CALD1: variants seen among roughly 807,000 people sequenced by gnomAD.
CALD1 encodes the protein caldesmon 1.
Under a neutral mutation model 99.9 loss-of-function variants are expected in CALD1, and 33 were observed. The ratio of observed to expected loss-of-function variants is 0.33; its 90% confidence interval spans 0.25 to 0.44. The LOEUF (loss-of-function observed/expected upper bound fraction) is 0.44, where lower values mean the gene tolerates loss of function less well. Among genes scored for constraint, CALD1 ranks in the 20% least tolerant of loss-of-function variants. The probability of loss-of-function intolerance (pLI) is 1.00; values close to 1 mark genes in which losing one functional copy is unlikely to be tolerated. For missense variants in CALD1, 861 were observed against 962.1 expected (o/e 0.89, Z 1.39); for synonymous variants, 310 against 325.0 (o/e 0.95, Z 0.50).
chr7:134,870,804 T>G (rs1415169105), intron 3 of CALD1, among the ~76,000 whole-genome samples: 1 of 152,174 alleles, frequency 6.6e-6, no homozygotes, highest in Non-Finnish European at 1.5e-5. Context: ...TGTACTAAGT[T>G]TACCTTTCCA....
At chr7:134,856,634 TTTTC>T (rs1347898164) in intron 2 of CALD1, among the ~76,000 whole-genome samples, 2 of 152,218 alleles carry the variant, frequency 1.3e-5, no homozygotes, top group Non-Finnish European at 2.9e-5. Flanking sequence ...CCTGTCTTCT[TTTTC>T]TTTCAACATC....
At chr7:134,811,345 A>G (rs1373039099) in intron 1 of CALD1, among the ~76,000 whole-genome samples, 6 of 152,230 alleles carry the variant, frequency 3.9e-5, no homozygotes, top group African/African-American at 1.2e-4. Context: ...GAGTACAATC[A>G]GAATCAACTG....
intron 1 of CALD1, among the ~76,000 whole-genome samples, chr7:134,750,168 AG>A (rs1224395765): frequency 1.3e-5 from 2 of 152,138 alleles, no homozygotes; most frequent in African/African-American, 4.8e-5. Flanking sequence ...TTGCTGCTTC[AG>A]GAAGGCACTG....
chr7:134,789,031 T>TAAAAAAAAA (rs35315682), intron 1 of CALD1, among the ~76,000 whole-genome samples: 2 of 116,790 alleles, frequency 1.7e-5, no homozygotes, highest in African/African-American at 3.3e-5. Context: ...AAACAAAAAG[T>TAAAAAAAAA]AAAAAAAAAA....
chr7:134,754,058 T>A (rs911439100), intron 1 of CALD1, among the ~76,000 whole-genome samples: 2 of 152,198 alleles, frequency 1.3e-5, no homozygotes, highest in Admixed American at 6.5e-5. Context: ...ACGTAACTTC[T>A]GTGGGATGAG....
chr7:134,733,206 T>C, the CALD1 span, among the ~76,000 whole-genome samples: 1 of 152,306 alleles, frequency 6.6e-6, no homozygotes, highest in Middle Eastern at 3.4e-3. Flanking sequence ...TGTGCTACAA[T>C]TATAGGCTTC....
the CALD1 span, among the ~76,000 whole-genome samples, chr7:134,729,034 T>G: frequency 2.0e-5 from 3 of 152,034 alleles, no homozygotes; most frequent in African/African-American, 7.2e-5. Context: ...GTATTTTTAG[T>G]AGAGACTGGG....
At chr7:134,849,191 AT>A (rs1274234118) in intron 2 of CALD1, among the ~76,000 whole-genome samples, 1 of 152,186 alleles carries the variant, frequency 6.6e-6, no homozygotes, top group African/African-American at 2.4e-5. Flanking sequence ...ATCACACTTT[AT>A]TATGCGGTTT....
intron 4 of CALD1, among the ~76,000 whole-genome samples, chr7:134,929,630 G>GTATATATACACACACATATACACACA (rs1805358664): frequency 7.5e-4 from 1 of 1,342 alleles, no homozygotes; most frequent in African/African-American, 1.5e-3. Flanking sequence ...ACGTGTGTGT[G>GTATATATACACACACATATACACACA]TGTGTGTGTG....
intron 1 of CALD1, among the ~76,000 whole-genome samples, chr7:134,788,065 G>T (rs1426788138): frequency 6.6e-6 from 1 of 152,092 alleles, no homozygotes; most frequent in Non-Finnish European, 1.5e-5. Context: ...GCTCCCAAAA[G>T]CTCATTGTTA....
At chr7:134,763,917 C>CAAAAA (rs34036528) in intron 1 of CALD1, among the ~76,000 whole-genome samples, 1 of 103,396 alleles carries the variant, frequency 9.7e-6, no homozygotes, top group African/African-American at 3.9e-5. Context: ...GACTCCATCT[C>CAAAAA]AAAAAAAAAA....
chr7:134,755,013 TA>T (rs1796715533), intron 1 of CALD1, among the ~76,000 whole-genome samples: 1 of 152,130 alleles, frequency 6.6e-6, no homozygotes, highest in South Asian at 2.1e-4. Context: ...TTATTATTAT[TA>T]TTTTTAGATG....
At chr7:134,809,826 A>C (rs551391524) in intron 1 of CALD1, among the ~76,000 whole-genome samples, 1 of 152,350 alleles carries the variant, frequency 6.6e-6, no homozygotes, top group Non-Finnish European at 1.5e-5. Context: ...GTGAGCCAAC[A>C]TTCAGCTTTG....
chr7:134,942,145 C>G (rs1261462736), intron 7 of CALD1, among the ~76,000 whole-genome samples: 1 of 152,164 alleles, frequency 6.6e-6, no homozygotes. Context: ...GGAGAGGAGT[C>G]TTGGGTCCCT....
intron 1 of CALD1, among the ~76,000 whole-genome samples, chr7:134,790,455 T>C (rs1797482503): frequency 6.6e-6 from 1 of 152,200 alleles, no homozygotes; most frequent in Non-Finnish European, 1.5e-5. Flanking sequence ...TCTCTACAGC[T>C]ATCTGCTCTG....
At chr7:134,826,181 G>A (rs1368101570) in intron 1 of CALD1, among the ~76,000 whole-genome samples, 1 of 151,904 alleles carries the variant, frequency 6.6e-6, no homozygotes, top group African/African-American at 2.4e-5. Context: ...TCTATTGTCT[G>A]CTCCAAAGAA....
At chr7:134,939,557 G>C (rs1416570312) in intron 6 of CALD1, among the ~76,000 whole-genome samples, 1 of 152,128 alleles carries the variant, frequency 6.6e-6, no homozygotes. Context: ...TAACTAATTA[G>C]GGCAGCATAG....
chr7:134,782,877 G>A (rs1039770842), intron 1 of CALD1, among the ~76,000 whole-genome samples: 5 of 152,158 alleles, frequency 3.3e-5, no homozygotes, highest in East Asian at 1.9e-4. Context: ...GCCCTGAGCC[G>A]TGTCCAGTGA....
chr7:134,953,141 A>G (rs1012969523), intron 9 of CALD1, among the ~76,000 whole-genome samples: 1 of 152,144 alleles, frequency 6.6e-6, no homozygotes, highest in Non-Finnish European at 1.5e-5. Context: ...GTCATGAAAT[A>G]TTATTCTTCT....
Sources: gnomAD v4.1 joint callset for allele counts (sites outside exome capture counted in the v4.1 genomes callset) on GRCh38, gnomAD v4.1.1 for gene constraint, MANE v1.5 for transcripts, NCBI Gene and HGNC (gene_info 2026-07-23, HGNC 2026-07-21) for gene names.